Variants in PDE12 observed in about 807,000 individuals in gnomAD.
The protein encoded by PDE12 is 2',5'-phosphodiesterase 12.
In PDE12, 26 loss-of-function variants were observed where a neutral mutation model predicts 45.4. That is an observed-to-expected ratio of 0.57 (90% CI 0.42 to 0.79). The LOEUF (loss-of-function observed/expected upper bound fraction) is 0.79, where lower values mean the gene tolerates loss of function less well. PDE12 is among the 30% of genes least tolerant of loss of function. PDE12 has a pLI of 0.00. For missense variants in PDE12, 668 were observed against 790.0 expected (o/e 0.85, Z 1.85); for synonymous variants, 283 against 323.9 (o/e 0.87, Z 1.36).
the PDE12 span, among the ~76,000 whole-genome samples, chr3:57,583,126 T>C: frequency 1.3e-5 from 2 of 152,318 alleles, no homozygotes; most frequent in African/African-American, 4.8e-5. Context: ...TGCTGTGCTG[T>C]AAGATACCAG....
the PDE12 span, among the ~76,000 whole-genome samples, chr3:57,612,317 C>T: frequency 1.3e-5 from 2 of 151,564 alleles, no homozygotes; most frequent in Non-Finnish European, 2.9e-5. Context: ...GTGCAGCACA[C>T]CAACATGGCA....
the PDE12 span, chr3:57,571,896 A>G: frequency 4.2e-6 from 1 of 237,954 alleles, no homozygotes; most frequent in African/African-American, 2.2e-5. Context: ...TTAAAACATT[A>G]TTTGTCTGGG....
At chr3:57,600,337 TTTCTC>T in the PDE12 span, among the ~76,000 whole-genome samples, 2 of 148,862 alleles carry the variant, frequency 1.3e-5, no homozygotes, top group South Asian at 4.3e-4. Flanking sequence ...ATTCTTTTCT[TTTCTC>T]TTTTCTTTTT....
the PDE12 span, among the ~76,000 whole-genome samples, chr3:57,651,801 A>G: frequency 6.6e-6 from 1 of 152,246 alleles, no homozygotes; most frequent in East Asian, 1.9e-4. Context: ...CTAAGTTCTC[A>G]CTGGCTAAAC....
the PDE12 span, among the ~76,000 whole-genome samples, chr3:57,607,606 T>C: frequency 1.3e-5 from 2 of 152,174 alleles, no homozygotes; most frequent in African/African-American, 4.8e-5. Context: ...CAAGCTTCAG[T>C]AGCCGATTCG....
At chr3:57,604,363 G>A in the PDE12 span, among the ~76,000 whole-genome samples, 1 of 152,042 alleles carries the variant, frequency 6.6e-6, no homozygotes, top group Non-Finnish European at 1.5e-5. Flanking sequence ...GTAAATGGTG[G>A]TTGATAGTGT....
chr3:57,633,382 T>C, the PDE12 span: 18 of 1,556,638 alleles, frequency 1.2e-5, no homozygotes, highest in Non-Finnish European at 1.6e-5. Flanking sequence ...TGAGAATCTG[T>C]ATTCTAGTGT....
the PDE12 span, among the ~76,000 whole-genome samples, chr3:57,577,870 A>G: frequency 6.6e-6 from 1 of 152,056 alleles, no homozygotes; most frequent in Non-Finnish European, 1.5e-5. Context: ...CCTGGGCAAC[A>G]TGGCGAAAGG....
the PDE12 span, among the ~76,000 whole-genome samples, chr3:57,629,043 A>G: frequency 6.6e-6 from 1 of 152,052 alleles, no homozygotes; most frequent in African/African-American, 2.4e-5. Flanking sequence ...TAATTCTCAT[A>G]ATATTCTAAT....
the PDE12 span, among the ~76,000 whole-genome samples, chr3:57,578,397 A>C: frequency 9.9e-5 from 15 of 151,692 alleles, no homozygotes; most frequent in East Asian, 2.9e-3. Flanking sequence ...TCTTAAAAAA[A>C]AAAAGAAAGA....
chr3:57,557,266 G>T lies in PDE12; in HGVS notation c.887G>T (p.Arg296Leu). 4 of 1,613,902 alleles carry T rather than the reference G, an allele frequency of 2.5e-6. No homozygotes were observed. Among genetic ancestry groups the T allele is most frequent in the Non-Finnish European group, 3.4e-6 (4 of 1,180,010 alleles). Residue 296 changes from arginine (R) to leucine (L), a missense_variant, in exon 1 of 3, where the codon CGC (arginine) becomes CTC (leucine). Around this residue, in one of 3 missense-constraint regions of PDE12, gnomAD observed 580 missense variants for 662.9 expected, o/e 0.87. Coordinates refer to ENST00000311180, the MANE Select transcript of PDE12 (RefSeq NM_177966.7). ...TKKVTEDALIRTVSYNILADT... is the reference protein window; with the variant it reads ...TKKVTEDALILTVSYNILADT... The stretch of plus-strand genomic sequence containing the variant: ...AAGGTGACTGAGGACGCTCTCATCC[G>T]CACTGTCTCTTACAACATCCTGGCA...
At chr3:57,568,579 A>C (rs373164137), downstream of PDE12, among the ~76,000 whole-genome samples, 21 of 149,210 alleles carry the variant, frequency 1.4e-4, no homozygotes, top group South Asian at 3.4e-3. Flanking sequence ...CAAAAGATAC[A>C]CTTCTTTTTT....
chr3:57,613,209 G>C, the PDE12 span, among the ~76,000 whole-genome samples: 25 of 151,158 alleles, frequency 1.7e-4, no homozygotes, highest in Middle Eastern at 3.4e-3. Context: ...TCAAACTCCT[G>C]AGCTCAGGCA....
chr3:57,642,407 T>C, the PDE12 span, among the ~76,000 whole-genome samples: 1,981 of 151,990 alleles, frequency 0.013, 47 homozygotes, highest in African/African-American at 0.045. Context: ...AGGTAATATT[T>C]ACAGGAAGAC....
the PDE12 span, among the ~76,000 whole-genome samples, chr3:57,599,509 G>A: frequency 6.6e-6 from 1 of 152,170 alleles, no homozygotes; most frequent in Non-Finnish European, 1.5e-5. Context: ...AAGACAAACC[G>A]TATGAGCCCT....
the PDE12 span, among the ~76,000 whole-genome samples, chr3:57,590,222 C>T: frequency 4.0e-5 from 6 of 151,830 alleles, no homozygotes; most frequent in South Asian, 2.1e-4. Context: ...TGCAGTGGCT[C>T]ACACCTGTAA....
At chr3:57,602,398 A>G in the PDE12 span, among the ~76,000 whole-genome samples, 1 of 152,294 alleles carries the variant, frequency 6.6e-6, no homozygotes, top group African/African-American at 2.4e-5. Context: ...CAGTACAAGA[A>G]TATCTGTGCT....
At chr3:57,568,068 C>CAAAAAAAAAAAAAA (rs11360766), downstream of PDE12, among the ~76,000 whole-genome samples, 2 of 47,534 alleles carry the variant, frequency 4.2e-5, 1 homozygote, top group African/African-American at 2.0e-4. Flanking sequence ...GACTCCATCT[C>CAAAAAAAAAAAAAA]AAAAAAAAAA....
At chr3:57,596,811 A>G in the PDE12 span, 1 of 455,180 alleles carries the variant, frequency 2.2e-6, no homozygotes. Context: ...TCCAGCTTTC[A>G]ATAAGATCAA....
Sources: allele counts gnomAD v4.1 joint callset (sites outside exome capture counted in the v4.1 genomes callset), GRCh38; gene constraint gnomAD v4.1.1; regional missense constraint gnomAD v4.1.1; transcripts MANE v1.5; gene names NCBI Gene and HGNC (gene_info 2026-07-23, HGNC 2026-07-21).